PPFIA2: variants seen among roughly 807,000 people sequenced by gnomAD.
PPFIA2 encodes liprin-alpha-2.
In PPFIA2, 46 loss-of-function variants were observed where a neutral mutation model predicts 175.5. That is an observed-to-expected ratio of 0.26 (90% CI 0.21 to 0.34). The LOEUF (loss-of-function observed/expected upper bound fraction) is 0.34. Ranked by LOEUF, PPFIA2 falls within the 10% of genes least tolerant of loss-of-function variation. The pLI is 1.00. For synonymous variants in PPFIA2, 568 were observed against 511.4 expected, an observed-to-expected ratio of 1.11 and a Z score of -1.49; for missense variants, 1,179 against 1,506.1, an observed-to-expected ratio of 0.78 and a Z score of 3.60.
chr12:81,532,853 A>G (rs964777947), intron 4 of PPFIA2, among the ~76,000 whole-genome samples: 1 of 151,762 alleles, frequency 6.6e-6, no homozygotes, highest in Non-Finnish European at 1.5e-5. Context: ...TGTTTTTAAA[A>G]TTATTATTTG....
chr12:81,411,037 C>T (rs151194216), intron 7 of PPFIA2, among the ~76,000 whole-genome samples: 242 of 152,172 alleles, frequency 1.6e-3, no homozygotes, highest in Non-Finnish European at 2.3e-3. Context: ...TTTTCTGTCA[C>T]TTGCAACTAA....
intron 8 of PPFIA2, among the ~76,000 whole-genome samples, chr12:81,391,919 G>A (rs2040200718): frequency 6.6e-6 from 1 of 151,846 alleles, no homozygotes; most frequent in Non-Finnish European, 1.5e-5. Flanking sequence ...GCAAGAGGGT[G>A]GGAGTGGATA....
rs1468020143 is a variant in PPFIA2, at chr12:81,718,480, G to A, written c.249+35493C>T. Reference sequence around the variant, plus strand: ...ATGACAGATTACATAGGGCCTTGAAGAACATTGTAATGTGTTCAGCTTTTA... The same window carrying A: ...ATGACAGATTACATAGGGCCTTGAAAAACATTGTAATGTGTTCAGCTTTTA... On this transcript the variant is annotated intron_variant, in intron 3 of 32. Coordinates refer to ENST00000549396, the MANE Select transcript of PPFIA2 (RefSeq NM_003625.5). Among the ~76,000 whole-genome samples, 7 of 151,682 alleles carry A rather than the reference G, an allele frequency of 4.6e-5. No individual in the cohort carries two copies. In the East Asian group the frequency reaches 9.8e-4, roughly 21 times the overall value.
intron 4 of PPFIA2, among the ~76,000 whole-genome samples, chr12:81,520,703 G>A (rs1319354856): frequency 6.6e-6 from 1 of 152,214 alleles, no homozygotes; most frequent in African/African-American, 2.4e-5. Context: ...TAAGACAACA[G>A]CTGAGAGGAA....
At chr12:81,368,190 G>T in intron 13 of PPFIA2, 5 of 1,274,798 alleles carry the variant, frequency 3.9e-6, no homozygotes, top group Non-Finnish European at 5.1e-6. Context: ...ATATATAACT[G>T]TAAATCACAT....
intron 3 of PPFIA2, among the ~76,000 whole-genome samples, chr12:81,747,381 T>C (rs2083204057): frequency 6.9e-6 from 1 of 144,240 alleles, no homozygotes; most frequent in South Asian, 2.3e-4. Flanking sequence ...TAGGAAAATT[T>C]AGTTAAGAAC....
chr12:81,529,754 TA>T (rs2064251415), intron 4 of PPFIA2, among the ~76,000 whole-genome samples: 1 of 151,952 alleles, frequency 6.6e-6, no homozygotes, highest in Non-Finnish European at 1.5e-5. Context: ...GTCCAGGTGC[TA>T]AATATGTTTT....
chr12:81,395,517 C>T (rs1258627572), intron 8 of PPFIA2, among the ~76,000 whole-genome samples: 1 of 151,328 alleles, frequency 6.6e-6, no homozygotes, highest in Non-Finnish European at 1.5e-5. Context: ...ATCCTTAGAA[C>T]CAAGATCTGT....
intron 3 of PPFIA2, among the ~76,000 whole-genome samples, chr12:81,748,376 G>A (rs2153661568): frequency 6.9e-6 from 1 of 144,564 alleles, no homozygotes; most frequent in Admixed American, 7.3e-5. Context: ...ATTTAATTCT[G>A]TTCTGCTTTC....
At chr12:81,591,279 G>A (rs2153443639) in intron 4 of PPFIA2, among the ~76,000 whole-genome samples, 1 of 152,288 alleles carries the variant, frequency 6.6e-6, no homozygotes, top group African/African-American at 2.4e-5. Flanking sequence ...ACATTCAAGA[G>A]GTGACTTGGG....
intron 7 of PPFIA2, among the ~76,000 whole-genome samples, chr12:81,432,584 G>A (rs2048289673): frequency 6.6e-6 from 1 of 150,796 alleles, no homozygotes; most frequent in Admixed American, 6.6e-5. Context: ...TCCTGCCTCA[G>A]CCTCCTGAGT....
At chr12:81,612,779 A>G (rs2061054586) in intron 4 of PPFIA2, among the ~76,000 whole-genome samples, 1 of 152,238 alleles carries the variant, frequency 6.6e-6, no homozygotes, top group Non-Finnish European at 1.5e-5. Flanking sequence ...GAATGTACAT[A>G]GATGTGTCAT....
chr12:81,423,152 T>C (rs2046582582), intron 7 of PPFIA2, among the ~76,000 whole-genome samples: 1 of 152,080 alleles, frequency 6.6e-6, no homozygotes, highest in Non-Finnish European at 1.5e-5. Context: ...AATATGTCCA[T>C]GAACCAATGC....
chr12:81,657,238 G>A (rs886345703), intron 4 of PPFIA2, among the ~76,000 whole-genome samples: 3 of 152,282 alleles, frequency 2.0e-5, no homozygotes, highest in South Asian at 2.1e-4. Context: ...AGAGGGGAAA[G>A]GGAAGAATCC....
chr12:81,500,413 T>C (rs2147372250), intron 4 of PPFIA2, among the ~76,000 whole-genome samples: 1 of 152,246 alleles, frequency 6.6e-6, no homozygotes, highest in African/African-American at 2.4e-5. Context: ...TTTCCATGAG[T>C]GTTTATGGAT....
rs538461360 is a variant in PPFIA2, at chr12:81,751,174, A to G, written c.249+2799T>C. On this transcript the variant is annotated intron_variant, in intron 3 of 32. Transcript: ENST00000549396. ...ATTATCACTGTCTAAGGACCTGTGG[A>G]TTTCTAGGGGTACTCAGATATTTAT... 3.0e-4 allele frequency among the ~76,000 whole-genome samples: 45 copies of G among 152,124 alleles called. No homozygotes were observed. The South Asian group carries it at 4.4e-3, about 15-fold the overall frequency.
At chr12:81,650,166 C>T (rs2066813099) in intron 4 of PPFIA2, among the ~76,000 whole-genome samples, 2 of 151,998 alleles carry the variant, frequency 1.3e-5, no homozygotes, top group Non-Finnish European at 2.9e-5. Context: ...CCCGCCACTG[C>T]ACCCAGCTAA....
rs913537956 is a variant in PPFIA2 at position 81,555,255 on chromosome 12, T to C, written c.304-97389A>G. On this transcript the variant is annotated intron_variant, in intron 4 of 32. Coordinates refer to ENST00000549396, the MANE Select transcript of PPFIA2 (RefSeq NM_003625.5). ...ATAGTCTTTCTAATATCCCATATTATATGTTGTAGGAAATTCATATAAAGT... is the reference window on the plus strand; with the variant it reads ...ATAGTCTTTCTAATATCCCATATTACATGTTGTAGGAAATTCATATAAAGT... Among the ~76,000 whole-genome samples, 7 of 152,146 alleles carry C rather than the reference T, an allele frequency of 4.6e-5. No individual in the cohort carries two copies. The East Asian group carries it at 9.6e-4, about 21-fold the overall frequency.
At chr12:81,453,619 T>G (rs1032152738) in intron 5 of PPFIA2, among the ~76,000 whole-genome samples, 3 of 152,172 alleles carry the variant, frequency 2.0e-5, no homozygotes, top group African/African-American at 4.8e-5. Flanking sequence ...CTTCTTTGTA[T>G]GTTTCTATAA....
Sources: gnomAD v4.1 joint callset for allele counts (sites outside exome capture counted in the v4.1 genomes callset) on GRCh38, gnomAD v4.1.1 for gene constraint, MANE v1.5 for transcripts, NCBI Gene and HGNC (gene_info 2026-07-23, HGNC 2026-07-21) for gene names.